EYS: variants seen among roughly 807,000 people sequenced by gnomAD.
EYS encodes EGF-like photoreceptor maintenance factor, also known as protein eyes shut homolog.
In EYS, 250 loss-of-function variants were observed where a neutral mutation model predicts 282.1. The ratio of observed to expected loss-of-function variants is 0.89; its 90% confidence interval spans 0.80 to 0.98. The LOEUF is 0.98. Among genes scored for constraint, EYS ranks in the 50% least tolerant of loss-of-function variants. The pLI is 0.00. For missense variants in EYS, 4,016 were observed against 3,709.0 expected (o/e 1.08, Z -2.15); for synonymous variants, 1,355 against 1,282.9 (o/e 1.06, Z -1.20).
intron 12 of EYS, among the ~76,000 whole-genome samples, chr6:65,084,107 G>A (rs1256617420): frequency 6.6e-6 from 1 of 152,102 alleles, no homozygotes; most frequent in South Asian, 2.1e-4. Flanking sequence ...GTTCAAATTA[G>A]CATGTCAGCA....
chr6:64,825,054 A>G (rs183357877), intron 19 of EYS, among the ~76,000 whole-genome samples: 1 of 151,824 alleles, frequency 6.6e-6, no homozygotes, highest in African/African-American at 2.4e-5. Context: ...CTCACCCTTG[A>G]CTAGTCTACT....
At chr6:64,013,374 C>T (rs1768737634) in intron 33 of EYS, among the ~76,000 whole-genome samples, 3 of 152,132 alleles carry the variant, frequency 2.0e-5, no homozygotes, top group South Asian at 2.1e-4. Flanking sequence ...TTTCTTTAGC[C>T]GGTAAAAGCA....
intron 13 of EYS, among the ~76,000 whole-genome samples, chr6:65,002,344 A>T (rs1771491913): frequency 6.8e-6 from 1 of 146,946 alleles, no homozygotes; most frequent in African/African-American, 2.4e-5. Flanking sequence ...CAAAAATAAT[A>T]ACTTGGTGAT....
rs1005399774 is a variant in EYS at position 65,525,935 on chromosome 6, G to A, written c.-332-29942C>T. On this transcript the variant is annotated intron_variant, in intron 2 of 42. Transcript: ENST00000503581. ...TAATTACATACATGGCAGTGAGTCT[G>A]GAGTGTTTTAGTCCATTTTCTTTTG... Among the ~76,000 whole-genome samples the A allele has an allele frequency of 5.9e-5, 9 of 152,188 alleles. No homozygotes were observed. The East Asian group carries it at 1.5e-3, about 26-fold the overall frequency.
intron 8 of EYS, among the ~76,000 whole-genome samples, chr6:65,378,871 C>T (rs1765499633): frequency 6.6e-6 from 1 of 151,840 alleles, no homozygotes; most frequent in Non-Finnish European, 1.5e-5. Flanking sequence ...ACATCACACA[C>T]CGGGGCCTGT....
At chr6:64,532,272 C>A (rs1764370232) in intron 26 of EYS, among the ~76,000 whole-genome samples, 1 of 152,162 alleles carries the variant, frequency 6.6e-6, no homozygotes, top group Admixed American at 6.5e-5. Flanking sequence ...CCAAGTCTTG[C>A]TGAAGACGTC....
chr6:64,296,565 TATATATATATATATATATACATATATA>T, intron 30 of EYS, among the ~76,000 whole-genome samples: 15 of 7,450 alleles, frequency 2.0e-3, no homozygotes, highest in African/African-American at 7.8e-3. Flanking sequence ...TATATATATA[TATATATATATATATATATACATATATA>T]TATATATTTT....
chr6:65,543,267 A>G (rs6939055), intron 2 of EYS, among the ~76,000 whole-genome samples: 112,911 of 151,342 alleles, frequency 0.75, 42,907 homozygotes, highest in African/African-American at 0.89. Context: ...GCCTCCCAAA[A>G]TGCCAGGATT....
At chr6:64,274,338 C>T (rs918847070) in intron 30 of EYS, among the ~76,000 whole-genome samples, 1 of 152,050 alleles carries the variant, frequency 6.6e-6, no homozygotes, top group Admixed American at 6.6e-5. Context: ...CCACGCCGGG[C>T]TAATTTTTCT....
chr6:64,585,329 G>A (rs1182701060), intron 26 of EYS, among the ~76,000 whole-genome samples: 2 of 152,006 alleles, frequency 1.3e-5, no homozygotes, highest in Non-Finnish European at 2.9e-5. Context: ...AGTTGGGGAG[G>A]GAGCAGGTAG....
chr6:65,139,747 A>G (rs887115651), intron 12 of EYS, among the ~76,000 whole-genome samples: 8 of 151,972 alleles, frequency 5.3e-5, no homozygotes, highest in Non-Finnish European at 1.2e-4. Context: ...TCCCACTTTC[A>G]CTGCTAGTAG....
At chr6:64,481,957 T>G (rs1385198974) in intron 26 of EYS, among the ~76,000 whole-genome samples, 1 of 151,650 alleles carries the variant, frequency 6.6e-6, no homozygotes, top group Non-Finnish European at 1.5e-5. Flanking sequence ...TCAAACAGCA[T>G]GTTAAAAGTA....
chr6:65,222,432 A>T (rs1766492406), intron 12 of EYS, among the ~76,000 whole-genome samples: 1 of 152,192 alleles, frequency 6.6e-6, no homozygotes, highest in African/African-American at 2.4e-5. Context: ...CTTGCCTGCC[A>T]TCATGTAAGA....
rs186385057 is a variant in EYS, at chr6:65,077,266, T to G, written c.2024-19539A>C. Among the ~76,000 whole-genome samples, 246 of 152,208 alleles carry G rather than the reference T, an allele frequency of 1.6e-3. 2 individuals carry two copies. The highest frequency in any genetic ancestry group is 5.7e-3 in the African/African-American group (235 of 41,552). On this transcript the variant is annotated intron_variant, in intron 12 of 42. Coordinates refer to ENST00000503581, the MANE Select transcript of EYS (RefSeq NM_001142800.2). ...GCCTCTGCAGAATGTCATTTTCACA[T>G]GAGGTACATGTTTTTACTCAAAGTA...
intron 8 of EYS, among the ~76,000 whole-genome samples, chr6:65,368,550 A>T (rs1311749941): frequency 6.6e-6 from 1 of 151,720 alleles, no homozygotes; most frequent in Non-Finnish European, 1.5e-5. Context: ...AAACCACATG[A>T]GAATGACTTA....
rs1207709556 is a variant in EYS, at chr6:65,402,485, G to T, written c.1177C>A (p.Pro393Thr). ...ACAGAAAATTAATTATACCTGCAAG[G>T]ATAATCTTTCTCACATTTCTTACAT... ...ATCKKCEKDY[P>T]CSCISGFTEK... Residue 393 changes from proline to threonine, a missense_variant, in exon 7 of 43, where the codon CCT becomes ACT. Pro to Thr is a conservative substitution (Grantham distance 38). Coordinates refer to ENST00000503581, the MANE Select transcript of EYS (RefSeq NM_001142800.2). The T allele has an allele frequency of 6.6e-7, 1 of 1,506,166 alleles. No individual in the cohort carries two copies. The highest frequency in any genetic ancestry group is 9.2e-7 in the Non-Finnish European group (1 of 1,083,292). 93.3% of individuals were successfully genotyped at this position (1,506,166 alleles called of 1,614,324 possible). A position where few individuals can be genotyped will look rare whatever the true frequency, so the allele number is the denominator to read the frequency against.
intron 12 of EYS, among the ~76,000 whole-genome samples, chr6:65,254,220 A>C (rs1346425292): frequency 1.3e-5 from 2 of 151,814 alleles, no homozygotes; most frequent in African/African-American, 4.8e-5. Flanking sequence ...ACACACCCTG[A>C]TGTATATACA....
chr6:64,202,431 AC>A (rs1261408433), intron 31 of EYS, among the ~76,000 whole-genome samples: 2 of 152,228 alleles, frequency 1.3e-5, no homozygotes, highest in Non-Finnish European at 2.9e-5. Flanking sequence ...TTAGAAAAAA[AC>A]GAAGCAAGAA....
chr6:64,337,977 C>T (rs1164540703), intron 29 of EYS, among the ~76,000 whole-genome samples: 1 of 151,818 alleles, frequency 6.6e-6, no homozygotes, highest in African/African-American at 2.4e-5. Context: ...AAGGGACACA[C>T]CTTAGTGTAA....
Sources: gnomAD v4.1 joint callset for allele counts (sites outside exome capture counted in the v4.1 genomes callset) on GRCh38, gnomAD v4.1.1 for gene constraint, MANE v1.5 for transcripts, NCBI Gene and HGNC (gene_info 2026-07-23, HGNC 2026-07-21) for gene names.